The following FANCA variants were observed in gnomAD, a reference collection of about 807,000 sequenced individuals.
FANCA encodes the protein Fanconi anemia group A protein.
FANCA carries 236 observed loss-of-function variants against 194.3 expected under a neutral mutation model. The ratio of observed to expected loss-of-function variants is 1.21; its 90% CI spans 1.09 to 1.35. The LOEUF (loss-of-function observed/expected upper bound fraction) is 1.35. Ranked by LOEUF, FANCA falls within the 40% of genes most tolerant of loss-of-function variation. The probability of loss-of-function intolerance (pLI) is 0.00; values close to 1 mark genes in which losing one functional copy is unlikely to be tolerated. For missense variants in FANCA, 2,628 were observed against 1,813.9 expected (o/e 1.45, Z -8.15); for synonymous variants, 1,014 against 715.8 (o/e 1.42, Z -6.65).
rs185264316 is a variant in FANCA at position 89,788,114 on chromosome 16, C to T, written c.1360-3150G>A. ...TCTTGAACTACTGGGCTCAAGCAAT[C>T]GGCCCACCTCGTCCTCCCACAGTGC... On this transcript the variant is annotated intron_variant, in intron 14 of 42. Transcript: ENST00000389301. Among the ~76,000 whole-genome samples, 54 of 152,226 alleles carry T rather than the reference C, an allele frequency of 3.5e-4. No homozygotes were observed. The Middle Eastern group carries it at 0.024, about 67-fold the overall frequency.
rs1209332039 is a variant in FANCA at position 89,779,861 on chromosome 16, C to T, written c.1715+8G>A. 1.2e-6 allele frequency: 2 copies of T among 1,613,286 alleles called. No homozygotes were observed. Among genetic ancestry groups the T allele is most frequent in the African/African-American group, 1.3e-5 (1 of 75,034 alleles). ...GCTGCTAGAGGCCTTTTCGGCAGCC[C>T]AGCCTACCTGGCCTCCATGACGGTG... On this transcript the variant is annotated splice_region_variant and intron_variant, in intron 18 of 42. Coordinates refer to ENST00000389301, the MANE Select transcript of FANCA (RefSeq NM_000135.4).
intron 1 of FANCA, chr16:89,816,283 G>A (rs2041120476): frequency 3.9e-6 from 1 of 258,230 alleles, no homozygotes; most frequent in Non-Finnish European, 7.3e-6. Flanking sequence ...CTGACAGGGC[G>A]GCCGGCGGGG....
chr16:89,769,903 G>A lies in FANCA; in HGVS notation c.2438C>T (p.Pro813Leu). 1 of 1,614,114 alleles carries A rather than the reference G, an allele frequency of 6.2e-7. No homozygotes were observed. Among genetic ancestry groups the A allele is most frequent in the South Asian group, 1.1e-5 (1 of 91,080 alleles). The change falls in exon 26 of 43, where the codon CCT (proline) becomes CTT (leucine). Residue 813 changes from proline (P) to leucine (L), a missense_variant. Pro to Leu is a moderately conservative substitution (Grantham distance 98). Coordinates refer to ENST00000389301, the MANE Select transcript of FANCA (RefSeq NM_000135.4). ...VGPPAPGAGLPVPALFDSLLT... is the reference protein window; with the variant it reads ...VGPPAPGAGLLVPALFDSLLT... Reference sequence around the variant, plus strand: ...GAGGCTGTCAAAGAGCGCAGGGACAGGAAGGCCAGCACCAGGTGCAGGAGG... The same window carrying A: ...GAGGCTGTCAAAGAGCGCAGGGACAAGAAGGCCAGCACCAGGTGCAGGAGG...
intron 3 of FANCA, among the ~76,000 whole-genome samples, chr16:89,813,649 G>A (rs996336208): frequency 2.0e-5 from 3 of 152,050 alleles, no homozygotes; most frequent in East Asian, 1.9e-4. Flanking sequence ...GGCCAGGCTC[G>A]TCTCGAATCC....
intron 26 of FANCA, among the ~76,000 whole-genome samples, chr16:89,768,681 C>CA (rs76040042): frequency 0.032 from 4,769 of 147,862 alleles, 248 homozygotes; most frequent in African/African-American, 0.11. Flanking sequence ...AACCAAAAAA[C>CA]AAAAAAAAAA....
Position 89,783,107 on chromosome 16 carries a change from G to GGATA in FANCA, c.1471-9_1471-6dup, listed in dbSNP as rs1372488492. On this transcript the variant is annotated splice_polypyrimidine_tract_variant and splice_region_variant and intron_variant, in intron 15 of 42. Transcript: ENST00000389301. ...GGGTGGGTGGAGAATGTGCACCTGA[G>GGATA]GATAGATAGCAGAGCGCAGCACCGT... 2 of 1,607,282 alleles carry GGATA rather than the reference G, an allele frequency of 1.2e-6. No individual in the cohort carries two copies. The highest frequency in any genetic ancestry group is 2.2e-5 in the East Asian group (1 of 44,792).
rs779679071 is a variant in FANCA, at chr16:89,737,922, AC to A, written c.*678del. ...GCCTTTGCAGTAAGTGTGAGTCAGG[AC>A]CCCCTCCCAGGGCTGTGGCCCTCGC... On this transcript the variant is annotated 3_prime_UTR_variant, in exon 43 of 43. Transcript: ENST00000389301. 6.4e-6 allele frequency: 10 copies of A among 1,556,070 alleles called. No homozygotes were observed. The African/African-American group carries it at 6.7e-5, about 10-fold the overall frequency.
chr16:89,767,054 G>T, intron 27 of FANCA, 87 bp downstream of exon 27: 2 of 1,063,732 alleles, frequency 1.9e-6, no homozygotes, highest in South Asian at 1.3e-5. Flanking sequence ...GGCACAAAGC[G>T]GCAGCAGACC....
chr16:89,749,235 C>A (rs1044991265), intron 32 of FANCA, among the ~76,000 whole-genome samples: 1 of 152,182 alleles, frequency 6.6e-6, no homozygotes, highest in African/African-American at 2.4e-5. Flanking sequence ...GTTGTTGAGA[C>A]AGAGTCTCGC....
chr16:89,814,967 A>C (rs2041046340), intron 2 of FANCA, among the ~76,000 whole-genome samples: 1 of 152,168 alleles, frequency 6.6e-6, no homozygotes, highest in Non-Finnish European at 1.5e-5. Flanking sequence ...AATAAAAAAT[A>C]AAAATAAAAA....
chr16:89,796,850 A>C (rs2040264591), intron 10 of FANCA, among the ~76,000 whole-genome samples: 1 of 152,044 alleles, frequency 6.6e-6, no homozygotes, highest in African/African-American at 2.4e-5. Flanking sequence ...GTGAAACCCC[A>C]TCTACACTAA....
At position 89,748,771 on chromosome 16, in the gene FANCA, G is replaced by C. The variant is rs778933108; in HGVS notation, c.3240-4C>G. 1.1e-5 allele frequency: 17 copies of C among 1,612,924 alleles called. No homozygotes were observed. In the South Asian group the frequency reaches 1.9e-4, roughly 18 times the overall value. On this transcript the variant is annotated splice_polypyrimidine_tract_variant and splice_region_variant and intron_variant, in intron 32 of 42. Coordinates refer to ENST00000389301, the MANE Select transcript of FANCA (RefSeq NM_000135.4). The stretch of plus-strand genomic sequence containing the variant: ...CGAAGGCAGGCGGAGGAGGATCCTG[G>C]AAAGAAGGGGCTGTATTGGTGGCGA...
At chr16:89,791,668 C>T (rs2040081307) in intron 13 of FANCA, 132 bp from the exon 14 acceptor site, 3 of 1,304,148 alleles carry the variant, frequency 2.3e-6, no homozygotes, top group African/African-American at 1.5e-5. Context: ...TAAAAGACTA[C>T]ACAGCAATTA....
chr16:89,746,580 C>T lies in FANCA; in HGVS notation c.3513+4G>A, dbSNP rs878946193. ...CAAAACACCAAACAAGACAGCTGAC[C>T]CACCAGAGCAGAGGTCAAAATTAAG... On this transcript the variant is annotated splice_donor_region_variant and intron_variant, in intron 35 of 42. Transcript: ENST00000389301. The T allele has an allele frequency of 6.2e-7, 1 of 1,613,284 alleles. No individual in the cohort carries two copies. Among genetic ancestry groups the T allele is most frequent in the Admixed American group, 1.7e-5 (1 of 60,008 alleles).
At chr16:89,805,753 C>T (rs2040617374) in intron 6 of FANCA, among the ~76,000 whole-genome samples, 1 of 142,646 alleles carries the variant, frequency 7.0e-6, no homozygotes, top group Non-Finnish European at 1.5e-5. Context: ...TTTCTAATTT[C>T]CCTTGTGACT....
At chr16:89,752,624 A>G (rs1322782815) in intron 30 of FANCA, among the ~76,000 whole-genome samples, 2 of 152,260 alleles carry the variant, frequency 1.3e-5, no homozygotes, top group African/African-American at 2.4e-5. Flanking sequence ...TTCCAATATT[A>G]TGATAATCCT....
Position 89,739,978 on chromosome 16 carries a change from G to A in FANCA, c.3934+16C>T. On this transcript the variant is annotated intron_variant, in intron 39 of 42. Transcript: ENST00000389301. ...AGCGGCCCTCCGCATTTGTGCCTCA[G>A]CAGCGTGTTTCTTACCACTCTCTGT... 1.2e-6 allele frequency: 2 copies of A among 1,613,544 alleles called. No homozygotes were observed. The highest frequency in any genetic ancestry group is 1.7e-6 in the Non-Finnish European group (2 of 1,179,482).
At chr16:89,816,182 A>C (rs985131783) in intron 1 of FANCA, 196 bp from the exon 2 acceptor site, 10 of 620,768 alleles carry the variant, frequency 1.6e-5, no homozygotes, top group Non-Finnish European at 3.0e-5. Flanking sequence ...AAGACGGCCC[A>C]GGAGGGCCCG....
At chr16:89,798,722 G>A in intron 10 of FANCA, 1 of 1,331,472 alleles carries the variant, frequency 7.5e-7, no homozygotes, top group Non-Finnish European at 9.7e-7. Context: ...GCCTACTGGT[G>A]AATCTGAGCA....
Sources: allele counts gnomAD v4.1 joint callset (sites outside exome capture counted in the v4.1 genomes callset), GRCh38; gene constraint gnomAD v4.1.1; transcripts MANE v1.5; gene names NCBI Gene and HGNC (gene_info 2026-07-23, HGNC 2026-07-21).